CPE: variants seen among roughly 807,000 people sequenced by gnomAD.
The protein encoded by CPE is carbocypeptidase E.
In CPE, 17 loss-of-function variants were observed where a neutral mutation model predicts 53.5. The ratio of observed to expected loss-of-function variants is 0.32; its 90% confidence interval spans 0.22 to 0.48. The LOEUF is 0.48. CPE is among the 20% of genes least tolerant of loss of function. The pLI, the probability that CPE is intolerant of heterozygous loss-of-function variation, is 0.99. For synonymous variants in CPE, 226 were observed against 228.8 expected (o/e 0.99, Z 0.11); for missense variants, 524 against 614.7 (o/e 0.85, Z 1.56).
rs920683330 is a variant in CPE at position 165,459,319 on chromosome 4, C to T, written c.308-5071C>T. 2.6e-5 allele frequency among the ~76,000 whole-genome samples: 4 copies of T among 152,036 alleles called. No individual in the cohort carries two copies. In the South Asian group the frequency reaches 6.2e-4, roughly 24 times the overall value. On this transcript the variant is annotated intron_variant, in intron 1 of 8. Coordinates refer to ENST00000402744, the MANE Select transcript of CPE (RefSeq NM_001873.4). ...AGAATTTATTCTTATCTTATTCTGA[C>T]GAGAATGCAAATCCAACCAGGCACA...
intron 6 of CPE, among the ~76,000 whole-genome samples, chr4:165,490,289 C>T (rs1187906750): frequency 2.0e-5 from 3 of 152,124 alleles, no homozygotes; most frequent in African/African-American, 7.2e-5. Flanking sequence ...CCCTTCCACT[C>T]AGTAGCTTTG....
At chr4:165,453,698 C>G (rs1008611283) in intron 1 of CPE, among the ~76,000 whole-genome samples, 1 of 152,090 alleles carries the variant, frequency 6.6e-6, no homozygotes, top group Non-Finnish European at 1.5e-5. Context: ...ATTTTCTTTA[C>G]AAACTTTGAA....
At chr4:165,383,552 C>A (rs115561921) in intron 1 of CPE, among the ~76,000 whole-genome samples, 1 of 152,274 alleles carries the variant, frequency 6.6e-6, no homozygotes, top group East Asian at 1.9e-4. Flanking sequence ...AGCTAAAACG[C>A]TATCTCAAAA....
chr4:165,449,004 G>T (rs1438114), intron 1 of CPE, among the ~76,000 whole-genome samples: 85,345 of 152,078 alleles, frequency 0.56, 24,488 homozygotes, highest in East Asian at 0.74. Flanking sequence ...CAGATGAAAA[G>T]AGTTCCTACT....
At chr4:165,406,420 TA>T (rs1730955669) in intron 1 of CPE, 2 of 350,796 alleles carry the variant, frequency 5.7e-6, no homozygotes, top group Non-Finnish European at 1.1e-5. Flanking sequence ...ATTAGCTTTT[TA>T]AATGTATTAT....
intron 1 of CPE, among the ~76,000 whole-genome samples, chr4:165,449,692 A>G (rs1731775414): frequency 6.6e-6 from 1 of 152,136 alleles, no homozygotes; most frequent in South Asian, 2.1e-4. Context: ...AATTTCATGT[A>G]AAATTTTTCT....
intron 1 of CPE, among the ~76,000 whole-genome samples, chr4:165,407,386 T>C (rs1478025235): frequency 6.6e-6 from 1 of 152,072 alleles, no homozygotes; most frequent in African/African-American, 2.4e-5. Flanking sequence ...ATGTATATCT[T>C]CTTTGGAGAA....
chr4:165,481,149 C>T (rs1335395659), intron 3 of CPE, among the ~76,000 whole-genome samples: 1 of 151,674 alleles, frequency 6.6e-6, no homozygotes, highest in Non-Finnish European at 1.5e-5. Context: ...TTTTAATAGA[C>T]TAAAGCTGAT....
intron 1 of CPE, among the ~76,000 whole-genome samples, chr4:165,394,674 A>G (rs940064242): frequency 6.8e-6 from 1 of 147,284 alleles, no homozygotes; most frequent in Non-Finnish European, 1.5e-5. Flanking sequence ...CAGTAGTTCG[A>G]GACCAGCTTG....
chr4:165,493,813 C>A (rs897268013), intron 7 of CPE, among the ~76,000 whole-genome samples: 4 of 152,162 alleles, frequency 2.6e-5, no homozygotes, highest in African/African-American at 9.7e-5. Flanking sequence ...TTAGTGACTT[C>A]CAGGTTTTGA....
intron 1 of CPE, among the ~76,000 whole-genome samples, chr4:165,396,545 C>T (rs867612083): frequency 6.6e-6 from 1 of 151,862 alleles, no homozygotes; most frequent in South Asian, 2.1e-4. Context: ...GTGGCATATG[C>T]CTGTAATCCC....
intron 3 of CPE, among the ~76,000 whole-genome samples, chr4:165,480,097 CTA>C (rs1246245993): frequency 1.3e-5 from 2 of 151,722 alleles, no homozygotes; most frequent in Admixed American, 6.6e-5. Context: ...TAAAAAACTT[CTA>C]GTTTTATTAG....
In CPE at chr4:165,473,435, G is replaced by C. The variant is rs529292300; in HGVS notation, c.672+5580G>C. Among the ~76,000 whole-genome samples, 8 of 152,338 alleles carry C rather than the reference G, an allele frequency of 5.3e-5. No individual in the cohort carries two copies. The East Asian group carries it at 9.6e-4, about 18-fold the overall frequency. ...ATGTTGCTGTGTGAGGATTGTGAAG[G>C]GGGAGCAGAGAAGAATGAGGTTATC... On this transcript the variant is annotated intron_variant, in intron 3 of 8. Coordinates refer to ENST00000402744, the MANE Select transcript of CPE (RefSeq NM_001873.4).
At chr4:165,494,441 G>A (rs533460873) in intron 7 of CPE, among the ~76,000 whole-genome samples, 1 of 152,144 alleles carries the variant, frequency 6.6e-6, no homozygotes, top group Non-Finnish European at 1.5e-5. Flanking sequence ...TAGAACTGAC[G>A]GTAGAAAATG....
intron 2 of CPE, among the ~76,000 whole-genome samples, chr4:165,465,298 C>G (rs1285674274): frequency 6.6e-6 from 1 of 152,026 alleles, no homozygotes; most frequent in African/African-American, 2.4e-5. Context: ...GCATGTTTAT[C>G]TACAGCTAAA....
At chr4:165,422,915 T>A (rs1163743141) in intron 1 of CPE, among the ~76,000 whole-genome samples, 1 of 142,712 alleles carries the variant, frequency 7.0e-6, no homozygotes, top group Non-Finnish European at 1.5e-5. Context: ...AGGCGGAGCT[T>A]GCAGTGAGCC....
chr4:165,400,662 C>T (rs1004825411), intron 1 of CPE, among the ~76,000 whole-genome samples: 1 of 152,180 alleles, frequency 6.6e-6, no homozygotes, highest in Non-Finnish European at 1.5e-5. Context: ...CTAACACTCA[C>T]CTTTTCTCTC....
intron 1 of CPE, among the ~76,000 whole-genome samples, chr4:165,451,291 T>C (rs929618109): frequency 1.6e-4 from 24 of 152,204 alleles, no homozygotes; most frequent in African/African-American, 5.3e-4. Flanking sequence ...ACGCCTGATA[T>C]TCCTGTTGGA....
At chr4:165,457,598 C>T (rs1030782288) in intron 1 of CPE, among the ~76,000 whole-genome samples, 3 of 152,248 alleles carry the variant, frequency 2.0e-5, no homozygotes, top group Admixed American at 6.5e-5. Flanking sequence ...ATTAAGATTA[C>T]AAAATGATTC....
Sources: allele counts gnomAD v4.1 joint callset (sites outside exome capture counted in the v4.1 genomes callset), GRCh38; gene constraint gnomAD v4.1.1; transcripts MANE v1.5; gene names NCBI Gene and HGNC (gene_info 2026-07-23, HGNC 2026-07-21).